TDRP: variants seen among roughly 807,000 people sequenced by gnomAD.
The protein encoded by TDRP is testis development related protein, also known as testis development-related protein.
TDRP carries 12 observed loss-of-function variants against 10.5 expected under a neutral mutation model. The observed-to-expected ratio is 1.15, with a 90% confidence interval of 0.73 to 1.86. TDRP has a LOEUF of 1.86. Among genes scored for constraint, TDRP ranks in the 40% most tolerant of loss-of-function variants. TDRP has a pLI of 0.00. For synonymous variants in TDRP, 139 were observed against 95.4 expected (o/e 1.46, Z -2.67); for missense variants, 353 against 229.2 (o/e 1.54, Z -3.49).
chr8:515,385 C>G (rs139308152), intron 1 of TDRP, among the ~76,000 whole-genome samples: 13 of 152,278 alleles, frequency 8.5e-5, no homozygotes, highest in African/African-American at 3.1e-4. Flanking sequence ...AGTTTGAGTG[C>G]CCCTTATCTG....
Position 492,647 on chromosome 8 carries a change from C to G in TDRP, c.310G>C (p.Asp104His). ...GGAGGCTCCCAACCTTCAATTTCAT[C>G]TGGTTTTTTAGACTGTATATTCTGT... ...LKQNIQSKKP[D>H]EIEGWEPPKL... Residue 104 changes from aspartate to histidine, a missense_variant, in exon 3 of 3, where the codon GAT becomes CAT. Physicochemically the swap from Asp to His is moderately conservative, Grantham distance 81 (BLOSUM62 -1). Coordinates refer to ENST00000324079, the MANE Select transcript of TDRP (RefSeq NM_001384899.1). The G allele has an allele frequency of 1.2e-6, 2 of 1,614,048 alleles. No homozygotes were observed. Among genetic ancestry groups the G allele is most frequent in the Non-Finnish European group, 1.7e-6 (2 of 1,179,888 alleles).
At chr8:533,614 T>C (rs1443842017) in intron 1 of TDRP, among the ~76,000 whole-genome samples, 1 of 152,198 alleles carries the variant, frequency 6.6e-6, no homozygotes, top group African/African-American at 2.4e-5. Context: ...AGGTAGTCTT[T>C]GCAAAATACA....
chr8:526,978 G>C (rs1023287766), intron 1 of TDRP, among the ~76,000 whole-genome samples: 2 of 152,124 alleles, frequency 1.3e-5, no homozygotes, highest in African/African-American at 4.8e-5. Context: ...AAATAGGGCA[G>C]GCACAGTGAC....
intron 1 of TDRP, among the ~76,000 whole-genome samples, chr8:517,504 A>G (rs1255052985): frequency 6.6e-6 from 1 of 152,170 alleles, no homozygotes; most frequent in Non-Finnish European, 1.5e-5. Context: ...CTTAACCCCA[A>G]GCATTCCATT....
In TDRP at chr8:492,275, C is replaced by A. The variant is rs192530053; in HGVS notation, c.*124G>T. Reference sequence around the variant, plus strand: ...GTTCATTAAATAAAGAAACAGAGGTCCAAATATCAAATATAGGCAAAAAGT... The same window carrying A: ...GTTCATTAAATAAAGAAACAGAGGTACAAATATCAAATATAGGCAAAAAGT... On this transcript the variant is annotated 3_prime_UTR_variant, in exon 3 of 3. Transcript: ENST00000324079. 1 of 1,337,922 alleles carries A rather than the reference C, an allele frequency of 7.5e-7. No individual in the cohort carries two copies. The allele number at this position is 1,337,922 out of a possible 1,614,324, so 82.9% of individuals were successfully genotyped here. A position where few individuals can be genotyped will look rare whatever the true frequency, so the allele number is the denominator to read the frequency against.
At chr8:507,147 T>A (rs912857675) in intron 1 of TDRP, among the ~76,000 whole-genome samples, 4 of 152,046 alleles carry the variant, frequency 2.6e-5, no homozygotes, top group African/African-American at 7.2e-5. Flanking sequence ...TTTAAAACCA[T>A]CAGATCTCAT....
chr8:519,731 G>C (rs1230535566), intron 1 of TDRP, among the ~76,000 whole-genome samples: 1 of 152,186 alleles, frequency 6.6e-6, no homozygotes, highest in Admixed American at 6.5e-5. Flanking sequence ...TCTTCAATTT[G>C]TGGAGGGAAC....
In TDRP at chr8:490,404, G is replaced by A. The variant is rs1314715656; in HGVS notation, c.*1995C>T. On this transcript the variant is annotated 3_prime_UTR_variant, in exon 3 of 3. Transcript: ENST00000324079. ...AACTGTGCGTCACAATTCTATGATT[G>A]ACGTGAGTTGCAGGCACTTAGCGTT... The A allele has an allele frequency of 6.6e-6, 1 of 152,192 alleles. No individual in the cohort carries two copies. Among genetic ancestry groups the A allele is most frequent in the East Asian group, 1.9e-4 (1 of 5,202 alleles). 9.4% of individuals were successfully genotyped at this position (152,192 alleles called of 1,614,324 possible). A position where few individuals can be genotyped will look rare whatever the true frequency, so the allele number is the denominator to read the frequency against.
At chr8:518,860 G>A (rs1801824070) in intron 1 of TDRP, among the ~76,000 whole-genome samples, 1 of 151,948 alleles carries the variant, frequency 6.6e-6, no homozygotes, top group Non-Finnish European at 1.5e-5. Flanking sequence ...ACTGGAGTAT[G>A]GTATAAAAAA....
intron 1 of TDRP, among the ~76,000 whole-genome samples, chr8:510,097 G>A (rs183192741): frequency 6.6e-6 from 1 of 152,324 alleles, no homozygotes; most frequent in Non-Finnish European, 1.5e-5. Flanking sequence ...CATTCACCCA[G>A]CCCGCCAGTG....
At chr8:497,409 G>A (rs556808062) in intron 1 of TDRP, among the ~76,000 whole-genome samples, 1 of 152,354 alleles carries the variant, frequency 6.6e-6, no homozygotes, top group South Asian at 2.1e-4. Context: ...TTGAACTAGA[G>A]GGAGATGATT....
chr8:524,642 T>C (rs964699328), intron 1 of TDRP, among the ~76,000 whole-genome samples: 3 of 152,058 alleles, frequency 2.0e-5, no homozygotes, highest in African/African-American at 7.2e-5. Flanking sequence ...TCTGAAAAAT[T>C]TACAAGCTAA....
At chr8:539,793 A>G (rs1438554744) in intron 1 of TDRP, among the ~76,000 whole-genome samples, 2 of 152,206 alleles carry the variant, frequency 1.3e-5, no homozygotes, top group Non-Finnish European at 2.9e-5. Flanking sequence ...CCACTAAAGC[A>G]AACGTCACAG....
chr8:517,207 ACT>A (rs1801779710), intron 1 of TDRP, among the ~76,000 whole-genome samples: 1 of 152,054 alleles, frequency 6.6e-6, no homozygotes, highest in African/African-American at 2.4e-5. Flanking sequence ...TTCCAACCTA[ACT>A]CTGGTACAGC....
At chr8:542,547 C>CG (rs1041089945) in intron 1 of TDRP, among the ~76,000 whole-genome samples, 2 of 152,008 alleles carry the variant, frequency 1.3e-5, no homozygotes, top group African/African-American at 4.8e-5. Context: ...TTTTTTCCCC[C>CG]CAAAACCAAC....
At chr8:500,247 T>C (rs1311765358) in intron 1 of TDRP, among the ~76,000 whole-genome samples, 2 of 152,218 alleles carry the variant, frequency 1.3e-5, no homozygotes, top group Admixed American at 6.5e-5. Flanking sequence ...CTATGCAATA[T>C]TGTAAAGAAA....
chr8:498,656 G>C lies in TDRP; in HGVS notation c.109-4059C>G, dbSNP rs990885944. On this transcript the variant is annotated intron_variant, in intron 1 of 2. Coordinates refer to ENST00000324079, the MANE Select transcript of TDRP (RefSeq NM_001384899.1). ...GGGGATTGTTGGGAAGGCATGACTG[G>C]TTTTGAAATGTAAGAAGAACATTAC... 8.5e-5 allele frequency among the ~76,000 whole-genome samples: 13 copies of C among 152,132 alleles called. 1 individual carries two copies. The highest frequency in any genetic ancestry group is 5.9e-4 in the Admixed American group (9 of 15,270).
intron 1 of TDRP, among the ~76,000 whole-genome samples, chr8:536,362 C>G (rs1456941218): frequency 2.0e-5 from 3 of 152,208 alleles, no homozygotes; most frequent in Non-Finnish European, 4.4e-5. Context: ...ACTAAAAACA[C>G]TACTGAGGAC....
chr8:529,545 G>C (rs1802128474), intron 1 of TDRP, among the ~76,000 whole-genome samples: 2 of 150,128 alleles, frequency 1.3e-5, no homozygotes, highest in South Asian at 2.1e-4. Context: ...TTTCTTACAA[G>C]GTAGATCTAG....
Sources: gnomAD v4.1 joint callset for allele counts (sites outside exome capture counted in the v4.1 genomes callset) on GRCh38, gnomAD v4.1.1 for gene constraint, MANE v1.5 for transcripts, NCBI Gene and HGNC (gene_info 2026-07-23, HGNC 2026-07-21) for gene names.